Variants in RHOBTB1 observed in about 807,000 individuals in gnomAD.
RHOBTB1 encodes the protein rho-related BTB domain-containing protein 1.
In RHOBTB1, 40 loss-of-function variants were observed where a neutral mutation model predicts 71.6. The ratio of observed to expected loss-of-function variants is 0.56; its 90% confidence interval spans 0.43 to 0.73. RHOBTB1 has a LOEUF of 0.73. Among genes scored for constraint, RHOBTB1 ranks in the 30% least tolerant of loss-of-function variants. RHOBTB1 has a pLI of 0.00. For missense variants in RHOBTB1, 797 were observed against 894.0 expected (o/e 0.89, Z 1.38); for synonymous variants, 319 against 334.9 (o/e 0.95, Z 0.52).
intron 4 of RHOBTB1, among the ~76,000 whole-genome samples, chr10:60,903,087 T>A (rs771369918): frequency 3.3e-5 from 5 of 152,196 alleles, no homozygotes; most frequent in Non-Finnish European, 5.9e-5. Context: ...ACACCTCACC[T>A]GGATTCCGAA....
intron 4 of RHOBTB1, among the ~76,000 whole-genome samples, chr10:60,899,195 A>T (rs1252633664): frequency 6.6e-6 from 1 of 152,246 alleles, no homozygotes; most frequent in African/African-American, 2.4e-5. Context: ...AATTGCGTGA[A>T]GCACAAATAA....
intron 2 of RHOBTB1, among the ~76,000 whole-genome samples, chr10:60,913,897 T>G (rs918055090): frequency 2.0e-5 from 3 of 152,160 alleles, no homozygotes; most frequent in Admixed American, 1.3e-4. Context: ...CTCCTAAGGT[T>G]GTTGTGAGGA....
intron 2 of RHOBTB1, among the ~76,000 whole-genome samples, chr10:60,956,819 A>C (rs1317168189): frequency 6.6e-6 from 1 of 152,046 alleles, no homozygotes; most frequent in Non-Finnish European, 1.5e-5. Flanking sequence ...GAGGCAGCTG[A>C]CTCAGTATTA....
upstream of RHOBTB1, among the ~76,000 whole-genome samples, chr10:60,944,914 C>T (rs944508338): frequency 2.4e-4 from 37 of 152,304 alleles, no homozygotes; most frequent in African/African-American, 7.9e-4. Context: ...GATTTATAAC[C>T]TCCTGCAAAT....
intron 2 of RHOBTB1, among the ~76,000 whole-genome samples, chr10:60,939,058 T>A (rs1337404284): frequency 2.0e-5 from 3 of 152,210 alleles, no homozygotes; most frequent in Non-Finnish European, 1.5e-5. Flanking sequence ...AACCTGTGTC[T>A]ATGCAATAAG....
intron 2 of RHOBTB1, among the ~76,000 whole-genome samples, chr10:60,951,316 C>A (rs555277263): frequency 2.7e-5 from 4 of 147,626 alleles, no homozygotes; most frequent in South Asian, 2.3e-4. Flanking sequence ...TTAATTGGCA[C>A]CACCACTCCT....
At chr10:60,903,577 G>A (rs1225082860) in intron 4 of RHOBTB1, among the ~76,000 whole-genome samples, 1 of 152,106 alleles carries the variant, frequency 6.6e-6, no homozygotes, top group Non-Finnish European at 1.5e-5. Flanking sequence ...AGAACGTGGT[G>A]TTCTCTATTT....
intron 2 of RHOBTB1, among the ~76,000 whole-genome samples, chr10:60,985,173 T>C (rs1338530227): frequency 3.3e-5 from 5 of 152,038 alleles, no homozygotes; most frequent in Non-Finnish European, 5.9e-5. Flanking sequence ...TATAAACATA[T>C]GAAGAAAAAT....
At chr10:60,898,221 C>A (rs765675866) in intron 4 of RHOBTB1, among the ~76,000 whole-genome samples, 1 of 152,070 alleles carries the variant, frequency 6.6e-6, no homozygotes. Context: ...GTGCATGAGT[C>A]CCCCTCTGGC....
rs73266096 is a variant in RHOBTB1, at chr10:60,970,484, A to T, written c.-62+15361T>A. Among the ~76,000 whole-genome samples the T allele has an allele frequency of 5.3e-3, 803 of 152,238 alleles. 12 individuals carry two copies. Among genetic ancestry groups the T allele is most frequent in the African/African-American group, 0.018 (744 of 41,568 alleles). ...TCCATATAATTCAGATCGGTATTGA[A>T]TATTAATTCTGTATTTCATAGATCT... On this transcript the variant is annotated intron_variant, in intron 2 of 11. Transcript: ENST00000357917.
At chr10:60,995,064 C>T (rs1351594878) in intron 1 of RHOBTB1, among the ~76,000 whole-genome samples, 2 of 151,964 alleles carry the variant, frequency 1.3e-5, no homozygotes, top group Non-Finnish European at 2.9e-5. Context: ...TACATCAATA[C>T]ATTAAGGTGT....
chr10:60,991,621 C>T lies in RHOBTB1; in HGVS notation c.-162-5676G>A, dbSNP rs534309886. 3.9e-5 allele frequency among the ~76,000 whole-genome samples: 6 copies of T among 151,952 alleles called. 1 individual carries two copies. In the South Asian group the frequency reaches 1.0e-3, roughly 26 times the overall value. On this transcript the variant is annotated intron_variant, in intron 1 of 11. Coordinates refer to the RHOBTB1 transcript ENST00000357917. ...AATTTTTGTATTTTTTTAGTAGAGA[C>T]GGGGTTTCACCATGTTGGCCAGGCT...
chr10:60,956,292 G>A (rs2085591037), intron 2 of RHOBTB1, among the ~76,000 whole-genome samples: 2 of 152,140 alleles, frequency 1.3e-5, no homozygotes, highest in South Asian at 4.1e-4. Flanking sequence ...CCTGTATAGG[G>A]CATTTACTAG....
At chr10:60,907,676 C>T (rs1257841145) in intron 4 of RHOBTB1, among the ~76,000 whole-genome samples, 2 of 152,130 alleles carry the variant, frequency 1.3e-5, no homozygotes, top group Non-Finnish European at 2.9e-5. Flanking sequence ...TGGATGATTT[C>T]CCTTCCTGAA....
rs34012455 is a variant in RHOBTB1, at chr10:60,955,043, C to CTTTTTT, written c.-61-13195_-61-13190dup. 6.6e-4 allele frequency among the ~76,000 whole-genome samples: 74 copies of CTTTTTT among 112,812 alleles called. 1 individual carries two copies. The highest frequency in any genetic ancestry group is 1.9e-3 in the African/African-American group (58 of 30,448). 74.0% of individuals were successfully genotyped at this position (112,812 alleles called of 152,430 possible). A position where few individuals can be genotyped will look rare whatever the true frequency, so the allele number is the denominator to read the frequency against. On this transcript the variant is annotated intron_variant, in intron 2 of 11. Transcript: ENST00000357917. ...GGGGAATCTTTTCTTTTCTTTCTTT[C>CTTTTTT]TTTTTTTTTTTTTTTTTTTAAGATG...
intron 2 of RHOBTB1, among the ~76,000 whole-genome samples, chr10:60,971,453 C>T (rs1441865472): frequency 6.6e-6 from 1 of 151,988 alleles, no homozygotes; most frequent in African/African-American, 2.4e-5. Context: ...GAAAGGATTC[C>T]CTATTAAAAA....
intron 2 of RHOBTB1, among the ~76,000 whole-genome samples, chr10:60,964,718 C>T (rs1350289993): frequency 6.6e-6 from 1 of 151,994 alleles, no homozygotes; most frequent in Non-Finnish European, 1.5e-5. Context: ...CTCTTTTAGT[C>T]TTTCTTAATG....
intron 2 of RHOBTB1, among the ~76,000 whole-genome samples, chr10:60,941,190 A>T (rs2084885212): frequency 6.6e-6 from 1 of 152,182 alleles, no homozygotes; most frequent in Non-Finnish European, 1.5e-5. Flanking sequence ...TCAACTAGAG[A>T]GTTTAGGTCT....
chr10:60,897,995 C>T (rs1403778222), intron 4 of RHOBTB1, among the ~76,000 whole-genome samples: 97 of 152,284 alleles, frequency 6.4e-4, no homozygotes, highest in African/African-American at 2.2e-4. Flanking sequence ...TGAGCCACCG[C>T]GCCTGGCCGC....
Sources: allele counts gnomAD v4.1 joint callset (sites outside exome capture counted in the v4.1 genomes callset), GRCh38; gene constraint gnomAD v4.1.1; transcripts MANE v1.5; gene names NCBI Gene and HGNC (gene_info 2026-07-23, HGNC 2026-07-21).